The following AKAP9 variants were observed in gnomAD, a reference collection of about 807,000 sequenced individuals.
AKAP9 encodes the protein A-kinase anchor protein 9.
A neutral mutation model predicts 488.5 loss-of-function variants in AKAP9; 311 were observed. That is an observed-to-expected ratio of 0.64 (90% CI 0.58 to 0.70). The LOEUF is 0.70. Ranked by LOEUF, AKAP9 falls within the 30% of genes least tolerant of loss-of-function variation. The pLI is 0.00. For missense variants in AKAP9, 4,215 were observed against 4,374.5 expected (o/e 0.96, Z 1.03); for synonymous variants, 1,462 against 1,483.5 (o/e 0.99, Z 0.33).
At chr7:92,104,988 G>A (rs1448377796) in intron 46 of AKAP9, among the ~76,000 whole-genome samples, 5 of 152,140 alleles carry the variant, frequency 3.3e-5, no homozygotes, top group Admixed American at 3.3e-4. Context: ...TGAGAGCGGT[G>A]TAGAAGTTGT....
At chr7:91,960,501 C>A (rs188705577) in intron 1 of AKAP9, among the ~76,000 whole-genome samples, 2 of 152,182 alleles carry the variant, frequency 1.3e-5, no homozygotes, top group Admixed American at 6.5e-5. Context: ...AACCCATATT[C>A]ATCTTTAAAT....
At chr7:92,091,742 A>C (rs1815675496) in intron 38 of AKAP9, among the ~76,000 whole-genome samples, 1 of 152,158 alleles carries the variant, frequency 6.6e-6, no homozygotes, top group Non-Finnish European at 1.5e-5. Flanking sequence ...GATGTCTTTT[A>C]GAGATAGATT....
intron 21 of AKAP9, among the ~76,000 whole-genome samples, chr7:92,046,615 AT>A (rs1807051980): frequency 6.6e-6 from 1 of 152,206 alleles, no homozygotes; most frequent in African/African-American, 2.4e-5. Flanking sequence ...TTGCTTTCAA[AT>A]TCACTCTTTT....
rs951438275 is a variant in AKAP9, at chr7:92,065,275, G to A, written c.6022G>A (p.Val2008Ile). ...AAAATTAATGAAGGAAAAACTAGAA[G>A]TACAATGTCAAGCTGAAAAAGTACG... ...TEKLMKEKLE[V>I]QCQAEKVRDD... The change falls in exon 25 of 50, where the codon GTA becomes ATA. Residue 2008 changes from valine to isoleucine, a missense_variant. Around this residue, in one of 5 missense-constraint regions of AKAP9, gnomAD observed 2,361 missense variants for 2,430.0 expected, o/e 0.97. Transcript: ENST00000356239. 8 of 1,612,512 alleles carry A rather than the reference G, an allele frequency of 5.0e-6. No homozygotes were observed. In the East Asian group the frequency reaches 6.7e-5, roughly 14 times the overall value.
At chr7:91,943,694 G>A (rs527932897) in intron 1 of AKAP9, among the ~76,000 whole-genome samples, 8 of 152,188 alleles carry the variant, frequency 5.3e-5, no homozygotes, top group Admixed American at 2.6e-4. Context: ...CTTTCAAATA[G>A]TTATTCATAC....
Position 92,038,537 on chromosome 7 carries a change from A to T in AKAP9, c.4457A>T (p.His1486Leu), listed in dbSNP as rs755931396. The part of the protein sequence containing the change: ...QAHAVCQQEQ[H>L]YFNEMKLSQD... ...CATGCTGTGTGTCAGCAAGAACAAC[A>T]TTATTTTAATGAAATGAAATTATCA... Residue 1486 changes from histidine (H) to leucine (L), a missense_variant, in exon 17 of 50, where the codon CAT (histidine) becomes CTT (leucine). Around this residue, in one of 5 missense-constraint regions of AKAP9, gnomAD observed 2,361 missense variants for 2,430.0 expected, o/e 0.97. Coordinates refer to ENST00000356239, the MANE Select transcript of AKAP9 (RefSeq NM_005751.5). The T allele has an allele frequency of 1.9e-5, 31 of 1,613,830 alleles. No homozygotes were observed. The highest frequency in any genetic ancestry group is 2.5e-5 in the Non-Finnish European group (30 of 1,179,896).
chr7:92,006,702 A>G (rs1308382705), intron 8 of AKAP9, among the ~76,000 whole-genome samples: 1 of 152,182 alleles, frequency 6.6e-6, no homozygotes, highest in East Asian at 1.9e-4. Context: ...GATATCTCTA[A>G]TACACTTAGG....
intron 12 of AKAP9, among the ~76,000 whole-genome samples, chr7:92,018,314 G>T (rs1801803016): frequency 1.3e-5 from 2 of 151,886 alleles, no homozygotes; most frequent in Admixed American, 6.6e-5. Flanking sequence ...GAACCTAGGA[G>T]TTTGAGGCTG....
rs201649179 is a variant in AKAP9, at chr7:92,077,092, C to CTTTTTTTTTTTTTTTTTTTTTTT, written c.6765+88_6765+89insTTTTTTTTTTTTTTTTTTTTTTT. 11 of 296,968 alleles carry CTTTTTTTTTTTTTTTTTTTTTTT rather than the reference C, an allele frequency of 3.7e-5. 2 individuals carry two copies. Among genetic ancestry groups the CTTTTTTTTTTTTTTTTTTTTTTT allele is most frequent in the South Asian group, 1.4e-4 (1 of 7,018 alleles). 18.4% of individuals were successfully genotyped at this position (296,968 alleles called of 1,614,324 possible). ...TTTATTATTATTATTATTATTATTT[C>CTTTTTTTTTTTTTTTTTTTTTTT]TTTCTTTTTTTTTTTTTTTTTGAGA... is the stretch of plus-strand genomic sequence containing the variant. On this transcript the variant is annotated intron_variant, in intron 29 of 49. Transcript: ENST00000356239.
intron 29 of AKAP9, 68 bp downstream of exon 29, chr7:92,077,075 T>A: frequency 2.0e-6 from 1 of 504,344 alleles, no homozygotes; most frequent in Non-Finnish European, 2.8e-6. Context: ...GCTTTATTAT[T>A]ATTATTATTA....
intron 37 of AKAP9, 145 bp from the exon 38 acceptor site, chr7:92,089,240 A>G: frequency 1.4e-6 from 1 of 727,668 alleles, no homozygotes; most frequent in Non-Finnish European, 2.2e-6. Context: ...ATCCTCATAC[A>G]TTTTGGAAAG....
intron 20 of AKAP9, 120 bp from the exon 21 acceptor site, chr7:92,044,885 TAAA>T (rs1806711659): frequency 1.4e-6 from 1 of 738,470 alleles, no homozygotes; most frequent in African/African-American, 1.8e-5. Flanking sequence ...GGTATTTTAA[TAAA>T]AAGGATCATC....
chr7:91,965,337 T>G (rs1356132523), intron 1 of AKAP9, among the ~76,000 whole-genome samples: 2 of 152,258 alleles, frequency 1.3e-5, no homozygotes, highest in East Asian at 3.8e-4. Context: ...GCCCTCCATT[T>G]GTGTCCATGG....
At chr7:92,103,735 C>G (rs1818033446) in intron 46 of AKAP9, among the ~76,000 whole-genome samples, 1 of 151,668 alleles carries the variant, frequency 6.6e-6, no homozygotes, top group Non-Finnish European at 1.5e-5. Flanking sequence ...TGAACAAGCT[C>G]ACACATGTAA....
At chr7:92,090,490 G>A (rs2130885715) in intron 38 of AKAP9, 1 of 152,354 alleles carries the variant, frequency 6.6e-6, no homozygotes, top group South Asian at 2.1e-4. Context: ...AGGCGTGGTG[G>A]CGGGTGCCTG....
rs193135042 is a variant in AKAP9, at chr7:92,002,884, A to T, written c.2967A>T (p.Gln989His). The change falls in exon 8 of 50, where the codon CAA becomes CAT. Residue 989 changes from glutamine to histidine, a missense_variant. By Grantham distance (24) the Gln-to-His change is conservative. Around this residue, in one of 5 missense-constraint regions of AKAP9, gnomAD observed 2,361 missense variants for 2,430.0 expected, o/e 0.97. Transcript: ENST00000356239. ...AATCTTTAAAGCAAGAGAAAGAACA[A>T]GTTTCATTGAGATGTAGAGAGCTAG... is the stretch of plus-strand genomic sequence containing the variant. ...EVKSLKQEKE[Q>H]VSLRCRELEI... is the part of the protein sequence containing the mutation. The T allele has an allele frequency of 6.2e-7, 1 of 1,612,740 alleles. No individual in the cohort carries two copies. The highest frequency in any genetic ancestry group is 2.2e-5 in the East Asian group (1 of 44,822).
intron 28 of AKAP9, among the ~76,000 whole-genome samples, chr7:92,073,129 C>T (rs74707525): frequency 0.011 from 1,604 of 152,056 alleles, 25 homozygotes; most frequent in African/African-American, 0.037. Flanking sequence ...GTAAAACTAG[C>T]GGTGGACGTC....
rs2130662396 is a variant in AKAP9, at chr7:92,000,919, A to G, written c.1002A>G (p.Leu334=). ...IQEKETIIEE[L]NTKIIEEEKK... Reference sequence around the variant, plus strand: ...AAAAGGAGACAATCATTGAAGAATTAAACACAAAAATAATAGAAGAAGAAA... The same window carrying G: ...AAAAGGAGACAATCATTGAAGAATTGAACACAAAAATAATAGAAGAAGAAA... The change falls in exon 8 of 50, where the codon TTA becomes TTG. Residue 334 remains leucine, a synonymous_variant. Coordinates refer to ENST00000356239, the MANE Select transcript of AKAP9 (RefSeq NM_005751.5). 2 of 1,466,574 alleles carry G rather than the reference A, an allele frequency of 1.4e-6. No individual in the cohort carries two copies. The highest frequency in any genetic ancestry group is 9.2e-7 in the Non-Finnish European group (1 of 1,091,728). 90.8% of individuals were successfully genotyped at this position (1,466,574 alleles called of 1,614,324 possible).
At chr7:92,027,914 T>C (rs2130747509) in intron 14 of AKAP9, among the ~76,000 whole-genome samples, 1 of 152,238 alleles carries the variant, frequency 6.6e-6, no homozygotes, top group South Asian at 2.1e-4. Context: ...TAGAAAGAAG[T>C]AGACATAGGA....
Sources: allele counts gnomAD v4.1 joint callset (sites outside exome capture counted in the v4.1 genomes callset), GRCh38; gene constraint gnomAD v4.1.1; regional missense constraint gnomAD v4.1.1; transcripts MANE v1.5; gene names NCBI Gene and HGNC (gene_info 2026-07-23, HGNC 2026-07-21).